The following EBF1 variants were observed in gnomAD, a reference collection of about 807,000 sequenced individuals.
EBF1 encodes the protein transcription factor COE1.
Under a neutral mutation model 68.4 loss-of-function variants are expected in EBF1, and 10 were observed. That is an observed-to-expected ratio of 0.15 (90% CI 0.09 to 0.25). The LOEUF is 0.25. Among genes scored for constraint, EBF1 ranks in the 10% least tolerant of loss-of-function variants. The probability of loss-of-function intolerance (pLI) is 1.00; values close to 1 mark genes in which losing one functional copy is unlikely to be tolerated. For missense variants in EBF1, 509 were observed against 794.4 expected (o/e 0.64, Z 4.32); for synonymous variants, 298 against 299.8 (o/e 0.99, Z 0.06).
chr5:159,056,062 T>C (rs183890619), intron 6 of EBF1, among the ~76,000 whole-genome samples: 530 of 152,336 alleles, frequency 3.5e-3, no homozygotes, highest in Non-Finnish European at 4.7e-3. Flanking sequence ...TTAATAGGTT[T>C]AGCATGATTA....
chr5:158,822,071 C>T (rs931124767), intron 8 of EBF1, among the ~76,000 whole-genome samples: 1 of 152,116 alleles, frequency 6.6e-6, no homozygotes, highest in Non-Finnish European at 1.5e-5. Context: ...TGGGCAACTC[C>T]TGGCCCATGG....
chr5:158,989,694 C>A (rs1257846435), intron 6 of EBF1, among the ~76,000 whole-genome samples: 1 of 152,130 alleles, frequency 6.6e-6, no homozygotes, highest in African/African-American at 2.4e-5. Flanking sequence ...CTCTTACTCC[C>A]CTTTCTCAAG....
Position 159,035,271 on chromosome 5 carries a change from T to G in EBF1, c.554+38125A>C, listed in dbSNP as rs186627907. On this transcript the variant is annotated intron_variant, in intron 6 of 15. Coordinates refer to ENST00000313708, the MANE Select transcript of EBF1 (RefSeq NM_024007.5). The stretch of plus-strand genomic sequence containing the variant: ...GAAACATCTCTAAATCACCAAAAAT[T>G]TTCTGTTTTACTTCTGCTAAATGGA... Among the ~76,000 whole-genome samples the G allele has an allele frequency of 1.8e-3, 280 of 152,096 alleles. 1 individual carries two copies. Among genetic ancestry groups the G allele is most frequent in the African/African-American group, 6.2e-3 (259 of 41,498 alleles).
At chr5:158,708,372 A>G (rs927381984) in intron 14 of EBF1, among the ~76,000 whole-genome samples, 199 bp from the exon 15 acceptor site, 2 of 152,068 alleles carry the variant, frequency 1.3e-5, no homozygotes, top group Non-Finnish European at 2.9e-5. Flanking sequence ...TCATTACTGG[A>G]GATCTTTTAT....
chr5:158,727,344 C>T (rs758000960), intron 11 of EBF1, among the ~76,000 whole-genome samples: 32 of 152,206 alleles, frequency 2.1e-4, no homozygotes, highest in African/African-American at 6.3e-4. Flanking sequence ...GGGGCGGAGA[C>T]ATTTCTGACC....
At chr5:159,046,262 G>A (rs991443620) in intron 6 of EBF1, among the ~76,000 whole-genome samples, 46 of 152,220 alleles carry the variant, frequency 3.0e-4, no homozygotes, top group African/African-American at 9.6e-4. Context: ...ACAGACCCTC[G>A]AGGGTAGAAA....
intron 9 of EBF1, among the ~76,000 whole-genome samples, chr5:158,779,789 C>A (rs554825321): frequency 6.6e-6 from 1 of 152,120 alleles, no homozygotes; most frequent in Non-Finnish European, 1.5e-5. Context: ...ACAAAATTCA[C>A]GGGCTTTATA....
chr5:158,722,763 G>A (rs1458403186), intron 11 of EBF1, among the ~76,000 whole-genome samples: 1 of 152,140 alleles, frequency 6.6e-6, no homozygotes. Flanking sequence ...GACTGTTGGG[G>A]CTTGGTACTT....
chr5:158,798,153 C>T (rs1289322536), intron 8 of EBF1, among the ~76,000 whole-genome samples: 1 of 152,074 alleles, frequency 6.6e-6, no homozygotes, highest in East Asian at 1.9e-4. Context: ...TGTTAATGTC[C>T]CCAAATATCA....
chr5:159,028,955 G>T (rs1768238030), intron 6 of EBF1, among the ~76,000 whole-genome samples: 1 of 152,118 alleles, frequency 6.6e-6, no homozygotes, highest in Non-Finnish European at 1.5e-5. Context: ...ACAGTTGTTT[G>T]CTTTGCAAAC....
At chr5:158,934,459 C>T (rs534536417) in intron 6 of EBF1, among the ~76,000 whole-genome samples, 1 of 152,322 alleles carries the variant, frequency 6.6e-6, no homozygotes, top group African/African-American at 2.4e-5. Flanking sequence ...GAAATGGAAG[C>T]TTCCAGAGTG....
rs778001945 is a variant in EBF1 at position 159,095,658 on chromosome 5, C to A, written c.373G>T (p.Asp125Tyr). ...GAGTCAATGAGGCGCACGTAGAAAT[C>A]CTGCTCCGTCCTTATCCCTAGGGTT... Reference protein sequence around the residue: ...LYSNGIRTEQDFYVRLIDSMT... With the variant: ...LYSNGIRTEQYFYVRLIDSMT... The change falls in exon 4 of 16, where the codon GAT becomes TAT. Residue 125 changes from aspartate to tyrosine, a missense_variant. Transcript: ENST00000313708. 6 of 1,613,908 alleles carry A rather than the reference C, an allele frequency of 3.7e-6. No homozygotes were observed. The Admixed American group carries it at 1.0e-4, about 27-fold the overall frequency.
chr5:159,001,591 C>T (rs985304367), intron 6 of EBF1, among the ~76,000 whole-genome samples: 2 of 152,152 alleles, frequency 1.3e-5, no homozygotes, highest in Non-Finnish European at 2.9e-5. Context: ...CACATACTAA[C>T]CCCCTCTAAT....
chr5:158,756,016 A>C (rs755089732), intron 10 of EBF1, among the ~76,000 whole-genome samples: 1 of 152,128 alleles, frequency 6.6e-6, no homozygotes. Flanking sequence ...CCAAAATGTC[A>C]ATGGTACTTT....
chr5:158,816,373 C>T (rs551292792), intron 8 of EBF1, among the ~76,000 whole-genome samples: 1 of 152,192 alleles, frequency 6.6e-6, no homozygotes, highest in South Asian at 2.1e-4. Context: ...CTATGCAAAC[C>T]CTGAAATGCA....
At chr5:159,007,758 C>A (rs1331370644) in intron 6 of EBF1, among the ~76,000 whole-genome samples, 2 of 152,086 alleles carry the variant, frequency 1.3e-5, no homozygotes, top group African/African-American at 4.8e-5. Context: ...CCCCCTCCAC[C>A]AAAATGCACA....
At chr5:158,720,566 A>G (rs1329357531) in intron 11 of EBF1, among the ~76,000 whole-genome samples, 1 of 152,158 alleles carries the variant, frequency 6.6e-6, no homozygotes, top group Non-Finnish European at 1.5e-5. Context: ...ATCCTCTGAG[A>G]CATTCCTCAA....
intron 10 of EBF1, among the ~76,000 whole-genome samples, chr5:158,743,487 G>A (rs979001285): frequency 4.6e-5 from 7 of 152,304 alleles, no homozygotes; most frequent in East Asian, 1.9e-4. Flanking sequence ...TTTCCAGATC[G>A]TAGGAGCAAC....
intron 6 of EBF1, among the ~76,000 whole-genome samples, chr5:158,892,921 C>G (rs1479482539): frequency 6.6e-6 from 1 of 151,972 alleles, no homozygotes; most frequent in Non-Finnish European, 1.5e-5. Flanking sequence ...TTTTTCTAAC[C>G]CTTACTTTAT....
Sources: allele counts gnomAD v4.1 joint callset (sites outside exome capture counted in the v4.1 genomes callset), GRCh38; gene constraint gnomAD v4.1.1; transcripts MANE v1.5; gene names NCBI Gene and HGNC (gene_info 2026-07-23, HGNC 2026-07-21).